ATF6: variants seen among roughly 807,000 people sequenced by gnomAD.
ATF6 encodes the protein activating transcription factor 6, also known as cyclic AMP-dependent transcription factor ATF-6 alpha.
ATF6 carries 53 observed loss-of-function variants against 83.6 expected under a neutral mutation model. The ratio of observed to expected loss-of-function variants is 0.63; its 90% confidence interval spans 0.51 to 0.80. The LOEUF is 0.80. Among genes scored for constraint, ATF6 ranks in the 30% least tolerant of loss-of-function variants. The pLI is 0.00. For synonymous variants in ATF6, 288 were observed against 285.8 expected (o/e 1.01, Z -0.08); for missense variants, 744 against 797.9 (o/e 0.93, Z 0.81).
chr1:161,795,533 A>G (rs987238984), intron 6 of ATF6, among the ~76,000 whole-genome samples: 67 of 152,350 alleles, frequency 4.4e-4, no homozygotes, highest in African/African-American at 1.5e-3. Flanking sequence ...TAGGCATTCA[A>G]TAAATGTTTG....
At chr1:161,777,285 G>C (rs1415926683) in intron 1 of ATF6, among the ~76,000 whole-genome samples, 1 of 152,166 alleles carries the variant, frequency 6.6e-6, no homozygotes, top group African/African-American at 2.4e-5. Flanking sequence ...TCTTGGCTCT[G>C]CACCTGAGTA....
intron 15 of ATF6, among the ~76,000 whole-genome samples, chr1:161,931,776 C>G (rs1029935075): frequency 6.6e-6 from 1 of 152,138 alleles, no homozygotes; most frequent in Non-Finnish European, 1.5e-5. Flanking sequence ...GTACAAGTCA[C>G]TTATGAGATA....
chr1:161,791,645 C>A, intron 5 of ATF6, 108 bp downstream of exon 5: 1 of 1,281,368 alleles, frequency 7.8e-7, no homozygotes, highest in South Asian at 1.5e-5. Flanking sequence ...GGCTGGCTTG[C>A]TGTTTTTTAA....
intron 9 of ATF6, among the ~76,000 whole-genome samples, chr1:161,826,108 A>T (rs1421068808): frequency 6.6e-6 from 1 of 152,202 alleles, no homozygotes; most frequent in African/African-American, 2.4e-5. Context: ...GGAACATAGA[A>T]GTAACCAGTA....
At chr1:161,782,149 T>C (rs959631349) in intron 3 of ATF6, 150 bp downstream of exon 3, 1 of 582,484 alleles carries the variant, frequency 1.7e-6, no homozygotes, top group African/African-American at 1.9e-5. Context: ...ATGGCAATTA[T>C]GTAAACAAAT....
chr1:161,867,433 A>AT (rs1266560374), intron 14 of ATF6, among the ~76,000 whole-genome samples: 3 of 152,176 alleles, frequency 2.0e-5, no homozygotes, highest in Non-Finnish European at 4.4e-5. Context: ...GAAGAAGATG[A>AT]TTTTAAAAGG....
intron 7 of ATF6, 135 bp downstream of exon 7, chr1:161,802,407 T>C (rs1685177126): frequency 2.7e-6 from 2 of 743,950 alleles, no homozygotes; most frequent in South Asian, 1.9e-5. Flanking sequence ...GTGTGCTGAA[T>C]TGCACATCTA....
At chr1:161,771,378 T>A (rs1237307516) in intron 1 of ATF6, among the ~76,000 whole-genome samples, 3 of 152,108 alleles carry the variant, frequency 2.0e-5, no homozygotes, top group African/African-American at 7.2e-5. Context: ...TAAATCAAAA[T>A]CTGGTGCTCC....
intron 14 of ATF6, among the ~76,000 whole-genome samples, chr1:161,903,190 G>C (rs2341474): frequency 0.14 from 21,834 of 152,142 alleles, 2,149 homozygotes; most frequent in East Asian, 0.33. Context: ...AAGGTACAGG[G>C]ATAGAGTAGA....
At chr1:161,878,845 A>C (rs746143634) in intron 14 of ATF6, among the ~76,000 whole-genome samples, 3 of 152,168 alleles carry the variant, frequency 2.0e-5, no homozygotes, top group Non-Finnish European at 2.9e-5. Context: ...TGAAACATAA[A>C]AGTTAAAGAT....
chr1:161,865,565 A>T (rs1028379413), intron 14 of ATF6, among the ~76,000 whole-genome samples: 1 of 152,202 alleles, frequency 6.6e-6, no homozygotes, highest in East Asian at 1.9e-4. Flanking sequence ...ATTTCTCATT[A>T]GTTTGCTATA....
At position 161,893,462 on chromosome 1, in the gene ATF6, C is replaced by T. The variant is rs530501388; in HGVS notation, c.1720-18834C>T. 1.5e-3 allele frequency among the ~76,000 whole-genome samples: 231 copies of T among 152,206 alleles called. 1 individual carries two copies. Among genetic ancestry groups the T allele is most frequent in the African/African-American group, 4.4e-3 (182 of 41,528 alleles). On this transcript the variant is annotated intron_variant, in intron 14 of 15. Transcript: ENST00000367942. Reference sequence around the variant, plus strand: ...ATTACAGGCGTGAGCCACTGCGCCCCGCCACGGAAACTTTATTTTCAAAGT... The same window carrying T: ...ATTACAGGCGTGAGCCACTGCGCCCTGCCACGGAAACTTTATTTTCAAAGT...
rs1433521152 is a variant in ATF6 at position 161,791,014 on chromosome 1, A to G, written c.355-394A>G. Reference sequence around the variant, plus strand: ...AAAGGATATTGGCATTTTAACTGCAACCTTATACTGATACTGAATGTTTGT... The same window carrying G: ...AAAGGATATTGGCATTTTAACTGCAGCCTTATACTGATACTGAATGTTTGT... On this transcript the variant is annotated intron_variant, in intron 4 of 15. Coordinates refer to ENST00000367942, the MANE Select transcript of ATF6 (RefSeq NM_007348.4). 2.6e-5 allele frequency among the ~76,000 whole-genome samples: 4 copies of G among 152,012 alleles called. No homozygotes were observed. The East Asian group carries it at 7.7e-4, about 29-fold the overall frequency.
At chr1:161,892,557 T>C (rs1187849478) in intron 14 of ATF6, among the ~76,000 whole-genome samples, 1 of 152,186 alleles carries the variant, frequency 6.6e-6, no homozygotes, top group Non-Finnish European at 1.5e-5. Context: ...TTCATTGCCC[T>C]TTCTTTTTGT....
intron 15 of ATF6, among the ~76,000 whole-genome samples, chr1:161,932,205 TA>T (rs1486092940): frequency 1.3e-5 from 2 of 152,166 alleles, no homozygotes; most frequent in African/African-American, 2.4e-5. Context: ...CAATGCAAGT[TA>T]TTTTTTTTGA....
intron 14 of ATF6, 31 bp downstream of exon 14, chr1:161,863,343 A>G (rs1197834384): frequency 7.1e-7 from 1 of 1,413,320 alleles, no homozygotes; most frequent in East Asian, 2.3e-5. Flanking sequence ...TAGAGCAAAT[A>G]TTTTTGAGTG....
At chr1:161,863,614 A>G (rs1320954400) in intron 14 of ATF6, among the ~76,000 whole-genome samples, 3 of 152,236 alleles carry the variant, frequency 2.0e-5, no homozygotes, top group Admixed American at 6.5e-5. Context: ...AAGGAAAAGT[A>G]AAAACATAAA....
chr1:161,810,794 T>C (rs1427085276), intron 7 of ATF6, among the ~76,000 whole-genome samples: 1 of 152,194 alleles, frequency 6.6e-6, no homozygotes, highest in Non-Finnish European at 1.5e-5. Flanking sequence ...CAGCCCCTGG[T>C]AGCCATTTAA....
chr1:161,826,239 C>T (rs1260809042), intron 9 of ATF6, among the ~76,000 whole-genome samples: 2 of 151,836 alleles, frequency 1.3e-5, no homozygotes, highest in Admixed American at 1.3e-4. Flanking sequence ...ATTGTGGAAG[C>T]CCTCATGAAT....
Sources: gnomAD v4.1 joint callset for allele counts (sites outside exome capture counted in the v4.1 genomes callset) on GRCh38, gnomAD v4.1.1 for gene constraint, MANE v1.5 for transcripts, NCBI Gene and HGNC (gene_info 2026-07-23, HGNC 2026-07-21) for gene names.